SPMIP11: variants seen among roughly 807,000 people sequenced by gnomAD.
SPMIP11 encodes the protein sperm microtubule inner protein 11.
the SPMIP11 span, among the ~76,000 whole-genome samples, chr12:48,746,587 G>A: frequency 1.2e-3 from 188 of 151,802 alleles, no homozygotes; most frequent in African/African-American, 3.9e-3. Context: ...GGCTGATCTC[G>A]AACCCCTGAC....
At chr12:48,741,096 G>A in the SPMIP11 span, among the ~76,000 whole-genome samples, 2 of 130,348 alleles carry the variant, frequency 1.5e-5, no homozygotes, top group African/African-American at 5.8e-5. Flanking sequence ...TTTTTGAGAT[G>A]GAGTTTTGCT....
the SPMIP11 span, among the ~76,000 whole-genome samples, chr12:48,759,005 G>A: frequency 2.0e-5 from 3 of 152,152 alleles, no homozygotes; most frequent in Admixed American, 2.0e-4. Context: ...GCAAGAGAGT[G>A]GTAAGGGAGG....
the SPMIP11 span, among the ~76,000 whole-genome samples, chr12:48,760,711 G>C: frequency 6.6e-6 from 1 of 151,934 alleles, no homozygotes; most frequent in Non-Finnish European, 1.5e-5. Context: ...ATTTTTAGTA[G>C]AGACAGGGTT....
chr12:48,764,834 T>TC, the SPMIP11 span: 2 of 701,918 alleles, frequency 2.8e-6, no homozygotes, highest in South Asian at 1.5e-5. Flanking sequence ...AACCTGCCCT[T>TC]CCCCCCACCC....
At chr12:48,761,572 A>G in the SPMIP11 span, among the ~76,000 whole-genome samples, 401 of 150,474 alleles carry the variant, frequency 2.7e-3, 1 homozygote, top group African/African-American at 9.4e-3. Flanking sequence ...TGATAGTGCT[A>G]CTGCACTCCA....
chr12:48,758,556 A>G, the SPMIP11 span, among the ~76,000 whole-genome samples: 7 of 152,242 alleles, frequency 4.6e-5, no homozygotes, highest in African/African-American at 1.7e-4. Flanking sequence ...GATAAGGAAG[A>G]ACTAGTCTAT....
At chr12:48,747,163 A>AT in the SPMIP11 span, among the ~76,000 whole-genome samples, 61 of 150,768 alleles carry the variant, frequency 4.0e-4, no homozygotes, top group African/African-American at 7.8e-4. Flanking sequence ...TTTATTTTTT[A>AT]TTTTTTTTTG....
At chr12:48,728,326 G>C in the SPMIP11 span, among the ~76,000 whole-genome samples, 1 of 152,172 alleles carries the variant, frequency 6.6e-6, no homozygotes, top group Non-Finnish European at 1.5e-5. Context: ...AATAAGAACG[G>C]GGGAGTGGAG....
At chr12:48,734,710 CAG>C in the SPMIP11 span, among the ~76,000 whole-genome samples, 2 of 151,888 alleles carry the variant, frequency 1.3e-5, no homozygotes, top group African/African-American at 4.8e-5. Flanking sequence ...TCTTTAAAAG[CAG>C]AGAGTTTGGC....
chr12:48,746,790 G>A, the SPMIP11 span, among the ~76,000 whole-genome samples: 1 of 151,946 alleles, frequency 6.6e-6, no homozygotes, highest in Non-Finnish European at 1.5e-5. Context: ...GCATGGTGGT[G>A]CATGCCTGTA....
the SPMIP11 span, among the ~76,000 whole-genome samples, chr12:48,744,276 C>T: frequency 6.8e-6 from 1 of 146,140 alleles, no homozygotes; most frequent in African/African-American, 2.5e-5. Context: ...AAGTGTGGTA[C>T]ACGCCTGTAA....
At chr12:48,746,249 T>C in the SPMIP11 span, among the ~76,000 whole-genome samples, 2 of 151,428 alleles carry the variant, frequency 1.3e-5, no homozygotes, top group Non-Finnish European at 2.9e-5. Flanking sequence ...TAGACCAACA[T>C]CTAAAAATCC....
the SPMIP11 span, among the ~76,000 whole-genome samples, chr12:48,755,641 A>G: frequency 2.6e-5 from 4 of 152,072 alleles, no homozygotes; most frequent in African/African-American, 9.7e-5. Context: ...CAGGTGAGTG[A>G]CACTGTCCAG....
At chr12:48,757,249 A>C in the SPMIP11 span, among the ~76,000 whole-genome samples, 1 of 152,138 alleles carries the variant, frequency 6.6e-6, no homozygotes, top group Non-Finnish European at 1.5e-5. Flanking sequence ...GCTCTTCTGA[A>C]AGACTTAAAA....
the SPMIP11 span, among the ~76,000 whole-genome samples, chr12:48,757,665 T>A: frequency 3.0e-5 from 4 of 131,956 alleles, no homozygotes; most frequent in South Asian, 2.4e-4. Flanking sequence ...AAAATAAAAA[T>A]AAAATAAAAT....
chr12:48,771,073 C>T, the SPMIP11 span: 12 of 1,170,414 alleles, frequency 1.0e-5, no homozygotes, highest in Non-Finnish European at 1.3e-5. This position sits in a 1 kb window ranked among gnomAD's most constrained non-coding sequence, Gnocchi z 4.3. Flanking sequence ...CCCCACTTCC[C>T]TGTCTCAAGA....
chr12:48,733,921 C>G, the SPMIP11 span, among the ~76,000 whole-genome samples: 2 of 151,748 alleles, frequency 1.3e-5, no homozygotes, highest in Non-Finnish European at 2.9e-5. Flanking sequence ...CAGGCACATG[C>G]CACCACACCT....
At chr12:48,727,808 G>C in the SPMIP11 span, among the ~76,000 whole-genome samples, 1 of 152,096 alleles carries the variant, frequency 6.6e-6, no homozygotes, top group Admixed American at 6.6e-5. Context: ...CCAGCAGTTT[G>C]GGAGGCTAAG....
At chr12:48,734,478 A>G in the SPMIP11 span, among the ~76,000 whole-genome samples, 33,021 of 151,924 alleles carry the variant, frequency 0.22, 4,499 homozygotes, top group Non-Finnish European at 0.32. Context: ...TATACCACAC[A>G]CTTTCCATCC....
Sources: allele counts gnomAD v4.1 joint callset (sites outside exome capture counted in the v4.1 genomes callset), GRCh38; gene constraint gnomAD v4.1.1; non-coding constraint Gnocchi (gnomAD v3.1); transcripts MANE v1.5; gene names NCBI Gene and HGNC (gene_info 2026-07-23, HGNC 2026-07-21).